Variants in FOXK2 observed in about 807,000 individuals in gnomAD.
FOXK2 encodes the protein forkhead box K2, also known as forkhead box protein K2.
A neutral mutation model predicts 53.3 loss-of-function variants in FOXK2; 24 were observed. That is an observed-to-expected ratio of 0.45 (90% CI 0.33 to 0.63). FOXK2 has a LOEUF of 0.63. Ranked by LOEUF, FOXK2 falls within the 30% of genes least tolerant of loss-of-function variation. The pLI is 0.03. For synonymous variants in FOXK2, 505 were observed against 407.1 expected (o/e 1.24, Z -2.89); for missense variants, 952 against 910.5 (o/e 1.05, Z -0.59).
intron 8 of FOXK2, among the ~76,000 whole-genome samples, chr17:82,595,536 C>G (rs1025906474): frequency 1.3e-5 from 2 of 152,154 alleles, no homozygotes; most frequent in Non-Finnish European, 2.9e-5. Context: ...CTCCTAGGTT[C>G]AAGTGATTCT....
intron 1 of FOXK2, among the ~76,000 whole-genome samples, chr17:82,531,568 C>T (rs1377539396): frequency 6.6e-6 from 1 of 152,172 alleles, no homozygotes; most frequent in East Asian, 1.9e-4. Context: ...TGTGTATATC[C>T]TGTTGCGCCT....
rs138992234 is a variant in FOXK2, at chr17:82,522,150, A to T, written c.419+1843A>T. ...GTTTGTTTGTTTTTGATTTTGAGAC[A>T]CGGTCTCTGTGACCTAGCCTGGAGT... On this transcript the variant is annotated intron_variant, in intron 1 of 8. Transcript: ENST00000335255. Among the ~76,000 whole-genome samples, 323 of 149,458 alleles carry T rather than the reference A, an allele frequency of 2.2e-3. 1 individual carries two copies. Among genetic ancestry groups the T allele is most frequent in the Non-Finnish European group, 3.6e-3 (245 of 67,656 alleles).
chr17:82,544,447 A>G (rs1471337818), intron 1 of FOXK2, among the ~76,000 whole-genome samples: 5 of 152,250 alleles, frequency 3.3e-5, no homozygotes, highest in African/African-American at 1.2e-4. Flanking sequence ...ACGCCACCCA[A>G]AACCGTGGGC....
chr17:82,537,278 ATAT>A (rs1031005890), intron 1 of FOXK2, among the ~76,000 whole-genome samples: 1 of 152,206 alleles, frequency 6.6e-6, no homozygotes, highest in Non-Finnish European at 1.5e-5. Context: ...AAAGTTTAAC[ATAT>A]TATTAAATTT....
At position 82,600,951 on chromosome 17, in the gene FOXK2, G is replaced by T. The variant is rs148245073; in HGVS notation, c.1787-352G>T. 205 of 202,836 alleles carry T rather than the reference G, an allele frequency of 1.0e-3. 1 individual carries two copies. The highest frequency in any genetic ancestry group is 4.4e-3 in the African/African-American group (193 of 43,812). The allele number at this position is 202,836 out of a possible 1,614,324, so 12.6% of individuals were successfully genotyped here. A position where few individuals can be genotyped will look rare whatever the true frequency, so the allele number is the denominator to read the frequency against. Reference sequence around the variant, plus strand: ...CTCCTGTCTGCCTCAACCACTACTGGACTCAGCCTTTCTCCCCCAGCAGTG... The same window carrying T: ...CTCCTGTCTGCCTCAACCACTACTGTACTCAGCCTTTCTCCCCCAGCAGTG... On this transcript the variant is annotated intron_variant, in intron 8 of 8. Coordinates refer to ENST00000335255, the MANE Select transcript of FOXK2 (RefSeq NM_004514.4).
Position 82,584,151 on chromosome 17 carries a change from T to G in FOXK2, c.1242T>G (p.Ala414=), listed in dbSNP as rs147224723. 1.1e-4 allele frequency: 175 copies of G among 1,609,412 alleles called. No individual in the cohort carries two copies. The African/African-American group carries it at 1.9e-3, about 17-fold the overall frequency. ...CTGGCGCTGCACAGCCCAAACTCGCTGTCATCCAGGAAGCCCGGTTTGCCC... is the reference window on the plus strand; with the variant it reads ...CTGGCGCTGCACAGCCCAAACTCGCGGTCATCCAGGAAGCCCGGTTTGCCC... The part of the protein sequence containing the change: ...PEPGAAQPKL[A]VIQEARFAQS... Residue 414 remains alanine (A), a synonymous_variant, in exon 6 of 9, where the codon GCT becomes GCG. Coordinates refer to ENST00000335255, the MANE Select transcript of FOXK2 (RefSeq NM_004514.4).
intron 8 of FOXK2, among the ~76,000 whole-genome samples, chr17:82,596,659 A>G (rs542631179): frequency 2.5e-3 from 334 of 134,090 alleles, no homozygotes; most frequent in African/African-American, 8.2e-3. Flanking sequence ...CGCTTCAGCC[A>G]TTCTAGGTCC....
intron 1 of FOXK2, among the ~76,000 whole-genome samples, chr17:82,557,001 CCT>C (rs1158765119): frequency 6.6e-6 from 1 of 150,728 alleles, no homozygotes; most frequent in Non-Finnish European, 1.5e-5. Flanking sequence ...CCGTGTCCAG[CCT>C]CTCTTTTATT....
chr17:82,571,272 A>C (rs1010478670), intron 3 of FOXK2, among the ~76,000 whole-genome samples: 1 of 151,914 alleles, frequency 6.6e-6, no homozygotes, highest in Non-Finnish European at 1.5e-5. Flanking sequence ...TGTTTCCTCC[A>C]TGTTTTCGAA....
chr17:82,564,777 G>C (rs2044836046), intron 2 of FOXK2, among the ~76,000 whole-genome samples: 1 of 149,800 alleles, frequency 6.7e-6, no homozygotes, highest in Non-Finnish European at 1.5e-5. Flanking sequence ...TTTTGCCCAG[G>C]CTGGAGTCCA....
At chr17:82,524,709 TCTGA>T (rs1464163984) in intron 1 of FOXK2, among the ~76,000 whole-genome samples, 4 of 152,302 alleles carry the variant, frequency 2.6e-5, no homozygotes, top group South Asian at 2.1e-4. Flanking sequence ...TCTTAGAGCC[TCTGA>T]CTGACCTGAG....
intron 7 of FOXK2, among the ~76,000 whole-genome samples, chr17:82,586,438 TCAAAGGTGGGCCGGGG>T (rs2045161658): frequency 4.7e-5 from 2 of 42,538 alleles, no homozygotes; most frequent in African/African-American, 9.1e-5. Context: ...CACAGGGAGG[TCAAAGGTGGGCCGGGG>T]GGGGAAAGGA....
chr17:82,603,701 TAAA>T lies in FOXK2; in HGVS notation c.*2203_*2205del, dbSNP rs2143196522. On this transcript the variant is annotated 3_prime_UTR_variant, in exon 9 of 9. Transcript: ENST00000335255. Reference sequence around the variant, plus strand: ...GTAAGGAAAATGTCCATTCAAATGGTAAAGAAGGGAGGAGGGTGTTTTTTTTTT... The same window carrying T: ...GTAAGGAAAATGTCCATTCAAATGGTGAAGGGAGGAGGGTGTTTTTTTTTT... 7.0e-6 allele frequency: 1 copy of T among 143,420 alleles called. No individual in the cohort carries two copies. Among genetic ancestry groups the T allele is most frequent in the South Asian group, 2.3e-4 (1 of 4,422 alleles). 8.9% of individuals were successfully genotyped at this position (143,420 alleles called of 1,614,324 possible).
chr17:82,572,715 TTAAG>T (rs371323857), intron 4 of FOXK2, among the ~76,000 whole-genome samples: 26 of 152,310 alleles, frequency 1.7e-4, no homozygotes, highest in Admixed American at 9.8e-4. Flanking sequence ...TTTTAATTCA[TTAAG>T]TAACCAGGAA....
chr17:82,578,084 C>G (rs1035333875), intron 4 of FOXK2: 12 of 152,346 alleles, frequency 7.9e-5, no homozygotes, highest in African/African-American at 2.7e-4. Context: ...TCACCCTCAC[C>G]CTTGCACTTT....
chr17:82,563,750 C>CTTTTTTTTTTTTTT lies in FOXK2; in HGVS notation c.614+202_614+203insTTTTTTTTTTTTTT, dbSNP rs1567975420. On this transcript the variant is annotated intron_variant, in intron 2 of 8. Coordinates refer to ENST00000335255, the MANE Select transcript of FOXK2 (RefSeq NM_004514.4). ...GTTCCTGGTTTTTATTTACTCATTC[C>CTTTTTTTTTTTTTT]CTTTTTTTTTTTTTTTTTTGAGAAG... Among the ~76,000 whole-genome samples, 3 of 94,616 alleles carry CTTTTTTTTTTTTTT rather than the reference C, an allele frequency of 3.2e-5. 1 individual carries two copies. The highest frequency in any genetic ancestry group is 4.3e-5 in the Non-Finnish European group (2 of 46,242). The allele number at this position is 94,616 out of a possible 152,430, so 62.1% of individuals were successfully genotyped here. A position where few individuals can be genotyped will look rare whatever the true frequency, so the allele number is the denominator to read the frequency against.
At chr17:82,544,885 G>C (rs1343582741) in intron 1 of FOXK2, among the ~76,000 whole-genome samples, 1 of 151,934 alleles carries the variant, frequency 6.6e-6, no homozygotes, top group Non-Finnish European at 1.5e-5. Flanking sequence ...TTGGGAGCCA[G>C]TGCTGCCCAC....
intron 4 of FOXK2, among the ~76,000 whole-genome samples, chr17:82,574,756 C>T (rs925953810): frequency 1.3e-5 from 2 of 152,214 alleles, no homozygotes; most frequent in Admixed American, 6.5e-5. Flanking sequence ...GACTTCCTCC[C>T]TCCTGGCTTA....
At chr17:82,561,902 TG>T (rs2044798462) in intron 1 of FOXK2, among the ~76,000 whole-genome samples, 1 of 11,116 alleles carries the variant, frequency 9.0e-5, no homozygotes, top group Non-Finnish European at 2.9e-4. Flanking sequence ...AGTCTTCCTC[TG>T]TTGGGGGGGG....
Sources: gnomAD v4.1 joint callset for allele counts (sites outside exome capture counted in the v4.1 genomes callset) on GRCh38, gnomAD v4.1.1 for gene constraint, MANE v1.5 for transcripts, NCBI Gene and HGNC (gene_info 2026-07-23, HGNC 2026-07-21) for gene names.